The following INTS1 variants were observed in gnomAD, a reference collection of about 807,000 sequenced individuals.
INTS1 encodes integrator complex subunit 1.
Under a neutral mutation model 241.6 loss-of-function variants are expected in INTS1, and 137 were observed. That is an observed-to-expected ratio of 0.57 (90% CI 0.49 to 0.65). The LOEUF (loss-of-function observed/expected upper bound fraction) is 0.65, where lower values mean the gene tolerates loss of function less well. INTS1 is among the 30% of genes least tolerant of loss of function. The pLI is 0.00. For missense variants in INTS1, 3,073 were observed against 3,032.2 expected (o/e 1.01, Z -0.32); for synonymous variants, 1,692 against 1,337.8 (o/e 1.26, Z -5.78).
intron 43 of INTS1, 74 bp from the exon 44 acceptor site, chr7:1,472,460 C>CT (rs1781517276): frequency 1.9e-6 from 2 of 1,064,950 alleles, no homozygotes; most frequent in Non-Finnish European, 2.7e-6. Flanking sequence ...AGGACCTGCC[C>CT]TCCCGAGAGC....
chr7:1,472,219 C>T lies in INTS1; in HGVS notation c.6184+54G>A, dbSNP rs996003610. Reference sequence around the variant, plus strand: ...AATGGCTACTGGCTGCTGCCCGCAGCCCCATGGGACCCAGGGCGCTGACCT... The same window carrying T: ...AATGGCTACTGGCTGCTGCCCGCAGTCCCATGGGACCCAGGGCGCTGACCT... On this transcript the variant is annotated intron_variant, in intron 44 of 47. Coordinates refer to ENST00000404767, the MANE Select transcript of INTS1 (RefSeq NM_001080453.3). 19 of 1,345,350 alleles carry T rather than the reference C, an allele frequency of 1.4e-5. No individual in the cohort carries two copies. In the African/African-American group the frequency reaches 2.2e-4, roughly 15 times the overall value. The allele number at this position is 1,345,350 out of a possible 1,614,324, so 83.3% of individuals were successfully genotyped here. A position where few individuals can be genotyped will look rare whatever the true frequency, so the allele number is the denominator to read the frequency against.
At chr7:1,482,259 A>C in intron 27 of INTS1, 6 of 306,880 alleles carry the variant, frequency 2.0e-5, no homozygotes, top group South Asian at 1.3e-4. Context: ...CTCCAACCCC[A>C]GACCACTTTC....
rs753019455 is a variant in INTS1, at chr7:1,502,934, A to G, written c.316T>C (p.Ser106Pro). 1.2e-6 allele frequency: 2 copies of G among 1,613,782 alleles called. No individual in the cohort carries two copies. The highest frequency in any genetic ancestry group is 3.3e-5 in the Admixed American group (2 of 60,026). ...AVAEKRAISP[S>P]IKEPSVVPIE... ...GGCACCACAGATGGCTCTTTAATCGACGGAGAAATGGCTCGTTTTTCTGCC... is the reference window on the plus strand; with the variant it reads ...GGCACCACAGATGGCTCTTTAATCGGCGGAGAAATGGCTCGTTTTTCTGCC... Residue 106 changes from serine (S) to proline (P), a missense_variant, in exon 3 of 48, where the codon TCG becomes CCG. Physicochemically the swap from Ser to Pro is moderately conservative, Grantham distance 74. Transcript: ENST00000404767.
At chr7:1,470,810 G>A (rs775786204) in intron 47 of INTS1, 36 bp downstream of exon 47, 158 of 1,526,968 alleles carry the variant, frequency 1.0e-4, no homozygotes, top group South Asian at 6.1e-4. Context: ...CCTCCCCGAG[G>A]GCTGCCAGGG....
In INTS1 at chr7:1,486,934, G is replaced by A. The variant is rs765525863; in HGVS notation, c.2814C>T (p.Ala938=). 6 of 1,604,298 alleles carry A rather than the reference G, an allele frequency of 3.7e-6. No homozygotes were observed. Among genetic ancestry groups the A allele is most frequent in the Non-Finnish European group, 5.1e-6 (6 of 1,178,356 alleles). ...GGGCGGCCCTGACCTGCCGCTTCTT[G>A]GCCTTCTGCTCCTTGCTCTCGCCCT... is the stretch of plus-strand genomic sequence containing the variant. ...DDEGESKEQK[A]KKRQRQQKQR... is the part of the protein sequence containing the mutation. Residue 938 remains alanine (A), a synonymous_variant, in exon 21 of 48, where the codon GCC becomes GCT. Transcript: ENST00000404767.
intron 13 of INTS1, 82 bp downstream of exon 13, chr7:1,495,351 T>A (rs111391955): frequency 6.7e-7 from 1 of 1,489,850 alleles, no homozygotes; most frequent in Admixed American, 2.0e-5. Flanking sequence ...CAGTGGGGTT[T>A]GGGGCAGGGG....
rs1554281738 is a variant in INTS1, at chr7:1,503,836, GAGATCCCCAA to G, written c.58+57_58+66del. 7.4e-6 allele frequency: 6 copies of G among 810,348 alleles called. No individual in the cohort carries two copies. The Admixed American group carries it at 1.2e-4, about 16-fold the overall frequency. The allele number at this position is 810,348 out of a possible 1,614,324, so 50.2% of individuals were successfully genotyped here. On this transcript the variant is annotated intron_variant, in intron 2 of 47. Transcript: ENST00000404767. Reference sequence around the variant, plus strand: ...GCCCAACGCAGGATCCGCGGCAGCTGAGATCCCCAAAGACCCCCAAAGACCCCCAAAGACC... The same window carrying G: ...GCCCAACGCAGGATCCGCGGCAGCTGAGACCCCCAAAGACCCCCAAAGACC...
chr7:1,498,943 GCC>G, intron 8 of INTS1, 30 bp downstream of exon 8: 1 of 1,070,738 alleles, frequency 9.3e-7, no homozygotes, highest in Non-Finnish European at 1.3e-6. Context: ...CCCACCCCCT[GCC>G]CCGCCCACCC....
chr7:1,470,539 A>ACGGGC lies in INTS1; in HGVS notation c.*33_*37dup, dbSNP rs1562480693. The ACGGGC allele has an allele frequency of 6.9e-7, 1 of 1,448,546 alleles. No individual in the cohort carries two copies. The highest frequency in any genetic ancestry group is 9.4e-7 in the Non-Finnish European group (1 of 1,069,206). 89.7% of individuals were successfully genotyped at this position (1,448,546 alleles called of 1,614,324 possible). A position where few individuals can be genotyped will look rare whatever the true frequency, so the allele number is the denominator to read the frequency against. On this transcript the variant is annotated 3_prime_UTR_variant, in exon 48 of 48. Coordinates refer to ENST00000404767, the MANE Select transcript of INTS1 (RefSeq NM_001080453.3). The stretch of plus-strand genomic sequence containing the variant: ...TGCCTCGAGGATCCCCGGGGACGGG[A>ACGGGC]CGGGCCGGGGCTTGGAGGGGGGTCG...
chr7:1,485,464 C>G lies in INTS1; in HGVS notation c.2982G>C (p.Leu994Phe), dbSNP rs749767653. 7.7e-5 allele frequency: 124 copies of G among 1,612,086 alleles called. No homozygotes were observed. Among genetic ancestry groups the G allele is most frequent in the Non-Finnish European group, 9.6e-5 (113 of 1,179,814 alleles). ...GGCTGCCCTCCGAAAGCACCAGCGA[C>G]AAACCCTGTGGCAGACACTCATGAG... The part of the protein sequence containing the change: ...VASRVLAMKG[L>F]SLVLSEGSLR... The change falls in exon 23 of 48, where the codon TTG becomes TTC. Residue 994 changes from leucine to phenylalanine, a missense_variant. Physicochemically the swap from Leu to Phe is conservative, Grantham distance 22 (BLOSUM62 0). Transcript: ENST00000404767.
chr7:1,471,051 T>A, intron 46 of INTS1, 82 bp downstream of exon 46: 1 of 1,511,748 alleles, frequency 6.6e-7, no homozygotes, highest in Admixed American at 2.0e-5. Context: ...AAGCCTGGTC[T>A]GGCCACCAGG....
At position 1,484,138 on chromosome 7, in the gene INTS1, G is replaced by T; in HGVS notation, c.3294C>A (p.Thr1098=). The change falls in exon 25 of 48, where the codon ACC becomes ACA. Residue 1098 remains threonine (T), a synonymous_variant. Coordinates refer to ENST00000404767, the MANE Select transcript of INTS1 (RefSeq NM_001080453.3). The stretch of plus-strand genomic sequence containing the variant: ...GCTTCGAGAAGAGGTGGGACATGAT[G>T]GTGGAGCGCTCCACGACCAGCCGGG... ...DVARLVVERS[T]IMSHLFSKLS... is the part of the protein sequence containing the mutation. 6.2e-7 allele frequency: 1 copy of T among 1,611,920 alleles called. No homozygotes were observed.
At chr7:1,483,645 C>T (rs1011444454) in intron 26 of INTS1, 97 bp downstream of exon 26, 1 of 943,384 alleles carries the variant, frequency 1.1e-6, no homozygotes, top group African/African-American at 1.6e-5. Context: ...GGCTTCCCGC[C>T]CAGAAGCAAG....
chr7:1,498,936 A>AGCCCCCCCCCCCCC, intron 8 of INTS1, 39 bp downstream of exon 8: 1 of 933,266 alleles, frequency 1.1e-6, no homozygotes, highest in East Asian at 3.5e-5. Context: ...GCCTGCCCCC[A>AGCCCCCCCCCCCCC]CCCCCTGCCC....
chr7:1,474,082 A>G (rs1584257280), intron 41 of INTS1, 86 bp downstream of exon 41: 2 of 1,408,622 alleles, frequency 1.4e-6, no homozygotes, highest in Non-Finnish European at 1.9e-6. Context: ...AGGTCCTCCC[A>G]GTCCCTCCGC....
intron 3 of INTS1, 86 bp downstream of exon 3, chr7:1,502,815 C>A: frequency 6.8e-7 from 1 of 1,461,680 alleles, no homozygotes; most frequent in Admixed American, 1.8e-5. Context: ...ACGGGCAGCA[C>A]TAGGCCTGGA....
chr7:1,475,600 G>A (rs974456336), intron 39 of INTS1, among the ~76,000 whole-genome samples: 14 of 152,058 alleles, frequency 9.2e-5, no homozygotes, highest in Non-Finnish European at 1.5e-4. Context: ...GCAGCCGTCC[G>A]CCAAGACCCG....
rs766544458 is a variant in INTS1 at position 1,470,703 on chromosome 7, A to T, written c.6458-11T>A. On this transcript the variant is annotated splice_polypyrimidine_tract_variant and intron_variant, in intron 47 of 47. Transcript: ENST00000404767. ...GCACAGCCGCGTGCTCTGTGGGGGA[A>T]ACGGGGCCCTGCACGTCACGCTGGC... 1 of 1,530,142 alleles carries T rather than the reference A, an allele frequency of 6.5e-7. No individual in the cohort carries two copies. The highest frequency in any genetic ancestry group is 1.4e-5 in the African/African-American group (1 of 72,588). The allele number at this position is 1,530,142 out of a possible 1,614,324, so 94.8% of individuals were successfully genotyped here.
intron 35 of INTS1, among the ~76,000 whole-genome samples, chr7:1,477,307 CCATCCCCA>C (rs940349715): frequency 3.9e-5 from 6 of 152,332 alleles, no homozygotes; most frequent in Non-Finnish European, 5.9e-5. Context: ...TCCACCCACC[CCATCCCCA>C]CATCTGGCTG....
Sources: allele counts gnomAD v4.1 joint callset (sites outside exome capture counted in the v4.1 genomes callset), GRCh38; gene constraint gnomAD v4.1.1; transcripts MANE v1.5; gene names NCBI Gene and HGNC (gene_info 2026-07-23, HGNC 2026-07-21).